Variants in HIF1A observed in about 807,000 individuals in gnomAD.
HIF1A encodes the protein hypoxia inducible factor 1 subunit alpha.
Under a neutral mutation model 92.7 loss-of-function variants are expected in HIF1A, and 24 were observed. The ratio of observed to expected loss-of-function variants is 0.26; its 90% CI spans 0.19 to 0.36. The LOEUF (loss-of-function observed/expected upper bound fraction) is 0.36, where lower values mean the gene tolerates loss of function less well. HIF1A is among the 10% of genes least tolerant of loss of function. The pLI is 1.00. For synonymous variants in HIF1A, 319 were observed against 338.7 expected, an observed-to-expected ratio of 0.94 and a Z score of 0.64; for missense variants, 799 against 998.5, an observed-to-expected ratio of 0.80 and a Z score of 2.69.
Position 61,737,112 on chromosome 14 carries a change from G to A in HIF1A, c.1249+3G>A. 1.2e-6 allele frequency: 2 copies of A among 1,609,726 alleles called. No individual in the cohort carries two copies. The highest frequency in any genetic ancestry group is 2.2e-5 in the East Asian group (1 of 44,850). On this transcript the variant is annotated splice_donor_region_variant and intron_variant, in intron 9 of 14. Coordinates refer to ENST00000337138, the MANE Select transcript of HIF1A (RefSeq NM_001530.4). ...ATCTTTAGATTTTGGCAGCAACGGTGAGTAGTTATTTTTGTTAATCCCCTA... is the reference window on the plus strand; with the variant it reads ...ATCTTTAGATTTTGGCAGCAACGGTAAGTAGTTATTTTTGTTAATCCCCTA...
At position 61,740,527 on chromosome 14, in the gene HIF1A, G is replaced by A. The variant is rs146178214; in HGVS notation, c.1559G>A (p.Cys520Tyr). ...SPEPNSPSEY[C>Y]FYVDSDMVNE... ...CAGCCTAATAGTCCCAGTGAATATT[G>A]TTTTTATGTGGATAGTGATATGGTC... Residue 520 changes from cysteine to tyrosine, a missense_variant, in exon 11 of 15, where the codon TGT (cysteine) becomes TAT (tyrosine). Transcript: ENST00000337138. 30 of 1,591,192 alleles carry A rather than the reference G, an allele frequency of 1.9e-5. No homozygotes were observed. The highest frequency in any genetic ancestry group is 2.5e-5 in the Non-Finnish European group (29 of 1,165,770).
At chr14:61,718,316 A>G (rs2044386250) in intron 1 of HIF1A, among the ~76,000 whole-genome samples, 1 of 152,198 alleles carries the variant, frequency 6.6e-6, no homozygotes, top group Non-Finnish European at 1.5e-5. Flanking sequence ...ATTCAGGTTT[A>G]ACAAGAGATA....
In HIF1A at chr14:61,738,231, G is replaced by A. The variant is rs749537571; in HGVS notation, c.1394G>A (p.Ser465Asn). ...GAAACGCCAAAGCCACTTCGAAGTA[G>A]TGCTGACCCTGCACTCAATCAAGAA... is the stretch of plus-strand genomic sequence containing the variant. ...TAETPKPLRS[S>N]ADPALNQEVA... The change falls in exon 10 of 15, where the codon AGT becomes AAT. Residue 465 changes from serine to asparagine, a missense_variant. By Grantham distance (46) the Ser-to-Asn change is conservative. Coordinates refer to ENST00000337138, the MANE Select transcript of HIF1A (RefSeq NM_001530.4). 6.2e-7 allele frequency: 1 copy of A among 1,614,120 alleles called. No homozygotes were observed. The highest frequency in any genetic ancestry group is 1.7e-5 in the Admixed American group (1 of 60,012).
At chr14:61,705,788 A>G (rs1299175190) in intron 1 of HIF1A, among the ~76,000 whole-genome samples, 1 of 152,150 alleles carries the variant, frequency 6.6e-6, no homozygotes, top group Non-Finnish European at 1.5e-5. Flanking sequence ...ATTTGGTAAT[A>G]TTGGATAGGA....
intron 7 of HIF1A, among the ~76,000 whole-genome samples, chr14:61,732,764 A>G (rs898133095): frequency 6.6e-6 from 1 of 152,258 alleles, no homozygotes; most frequent in African/African-American, 2.4e-5. Context: ...AGACTTTTGA[A>G]AATCCAAATA....
rs982365060 is a variant in HIF1A at position 61,747,298 on chromosome 14, G to GT, written c.*219dup. 2.2e-5 allele frequency: 8 copies of GT among 370,364 alleles called. No individual in the cohort carries two copies. Among genetic ancestry groups the GT allele is most frequent in the Non-Finnish European group, 2.4e-5 (5 of 208,728 alleles). The allele number at this position is 370,364 out of a possible 1,614,324, so 22.9% of individuals were successfully genotyped here. ...GGATCACAGACAGCTCATTTTCTCA[G>GT]TTTTTTGGTATTTAAACCATTGCAT... On this transcript the variant is annotated 3_prime_UTR_variant, in exon 15 of 15. Transcript: ENST00000337138.
chr14:61,735,544 T>C (rs980031168), intron 8 of HIF1A, among the ~76,000 whole-genome samples: 2 of 152,256 alleles, frequency 1.3e-5, no homozygotes, highest in Non-Finnish European at 2.9e-5. Context: ...TGTATTTTAA[T>C]TGTTTACATA....
chr14:61,739,222 G>A (rs1045060438), intron 10 of HIF1A, among the ~76,000 whole-genome samples: 1 of 152,168 alleles, frequency 6.6e-6, no homozygotes, highest in Non-Finnish European at 1.5e-5. Context: ...TAAATACTTA[G>A]TAACTGGTCT....
chr14:61,701,287 A>C (rs1284135053), intron 1 of HIF1A, among the ~76,000 whole-genome samples: 1 of 152,230 alleles, frequency 6.6e-6, no homozygotes, highest in Non-Finnish European at 1.5e-5. Context: ...TATGATTTTG[A>C]AAATTTATTA....
At chr14:61,746,454 G>C (rs751013834) in intron 14 of HIF1A, among the ~76,000 whole-genome samples, 1 of 140,800 alleles carries the variant, frequency 7.1e-6, no homozygotes, top group Non-Finnish European at 1.5e-5. Context: ...CTGGAGTGCA[G>C]TGGCATGATC....
Position 61,695,652 on chromosome 14 carries a change from T to C in HIF1A, c.-153T>C. On this transcript the variant is annotated 5_prime_UTR_variant, in exon 1 of 15. Transcript: ENST00000337138. ...CCGGACCCCGGCGATTGCCGCCCGC[T>C]TCTCTCTAGTCTCACGAGGGGTTTC... 1 of 787,708 alleles carries C rather than the reference T, an allele frequency of 1.3e-6. No homozygotes were observed. The highest frequency in any genetic ancestry group is 2.0e-6 in the Non-Finnish European group (1 of 503,824). 48.8% of individuals were successfully genotyped at this position (787,708 alleles called of 1,614,324 possible).
At chr14:61,734,417 A>T in intron 8 of HIF1A, 132 bp downstream of exon 8, 1 of 627,628 alleles carries the variant, frequency 1.6e-6, no homozygotes, top group South Asian at 2.6e-5. Flanking sequence ...CTACCAAATT[A>T]TTATTTTCTA....
chr14:61,713,154 G>C (rs2044326523), intron 1 of HIF1A, among the ~76,000 whole-genome samples: 1 of 152,168 alleles, frequency 6.6e-6, no homozygotes, highest in African/African-American at 2.4e-5. Flanking sequence ...TGAGGATAAA[G>C]AGGTGGACAG....
At position 61,741,241 on chromosome 14, in the gene HIF1A, T is replaced by C. The variant is rs113261891; in HGVS notation, c.2093+53T>C. 1.3e-3 allele frequency: 1,679 copies of C among 1,260,798 alleles called. 19 individuals carry two copies. The African/African-American group carries it at 0.021, about 16-fold the overall frequency. 78.1% of individuals were successfully genotyped at this position (1,260,798 alleles called of 1,614,324 possible). A position where few individuals can be genotyped will look rare whatever the true frequency, so the allele number is the denominator to read the frequency against. ...GTTCTTTTATTATTTTTGAGATAAA[T>C]GTATGTGATAGTACATGATTTTTAA... is the stretch of plus-strand genomic sequence containing the variant. On this transcript the variant is annotated intron_variant, in intron 12 of 14. Transcript: ENST00000337138.
Position 61,745,174 on chromosome 14 carries a change from C to T in HIF1A, c.2202+361C>T, listed in dbSNP as rs149958576. Among the ~76,000 whole-genome samples the T allele has an allele frequency of 7.0e-3, 1,062 of 152,244 alleles. 9 individuals are homozygous for T. Among genetic ancestry groups the T allele is most frequent in the Middle Eastern group, 0.027 (8 of 294 alleles). Reference sequence around the variant, plus strand: ...GCACAGTGCCTCACGCCTGTAATCCCAGCACTTTGGGAGGCCAAGATGAGG... The same window carrying T: ...GCACAGTGCCTCACGCCTGTAATCCTAGCACTTTGGGAGGCCAAGATGAGG... On this transcript the variant is annotated intron_variant, in intron 13 of 14. Transcript: ENST00000337138.
chr14:61,700,257 C>G (rs1433578579), intron 1 of HIF1A, among the ~76,000 whole-genome samples: 1 of 152,104 alleles, frequency 6.6e-6, no homozygotes, highest in Non-Finnish European at 1.5e-5. Context: ...ACTTCCAGAA[C>G]TTTTTCATCT....
At position 61,732,436 on chromosome 14, in the gene HIF1A, A is replaced by G. The variant is rs773838947; in HGVS notation, c.792A>G (p.Gly264=). 1 of 1,606,092 alleles carries G rather than the reference A, an allele frequency of 6.2e-7. No individual in the cohort carries two copies. The highest frequency in any genetic ancestry group is 1.7e-5 in the Admixed American group (1 of 60,002). ...CTAACAGAATTACCGAATTGATGGG[A>G]TATGAGCCAGAAGAACTTTTAGGCC... ...YCDERITELM[G]YEPEELLGRS... is the part of the protein sequence containing the mutation. The change falls in exon 7 of 15, where the codon GGA becomes GGG. Residue 264 remains glycine, a synonymous_variant. Transcript: ENST00000337138.
In HIF1A at chr14:61,746,993, A is replaced by T; in HGVS notation, c.2389A>T (p.Ser797Cys). Reference protein sequence around the residue: ...MDESGLPQLTSYDCEVNAPIQ... With the variant: ...MDESGLPQLTCYDCEVNAPIQ... Reference sequence around the variant, plus strand: ...TGAAAGTGGATTACCACAGCTGACCAGTTATGATTGTGAAGTTAATGCTCC... The same window carrying T: ...TGAAAGTGGATTACCACAGCTGACCTGTTATGATTGTGAAGTTAATGCTCC... Residue 797 changes from serine (S) to cysteine (C), a missense_variant, in exon 15 of 15, where the codon AGT (serine) becomes TGT (cysteine). This residue lies in a region of HIF1A where 283 missense variants were observed against 277.5 expected (regional missense o/e 1.02). Coordinates refer to ENST00000337138, the MANE Select transcript of HIF1A (RefSeq NM_001530.4). 1 of 1,613,816 alleles carries T rather than the reference A, an allele frequency of 6.2e-7. No individual in the cohort carries two copies. The highest frequency in any genetic ancestry group is 8.5e-7 in the Non-Finnish European group (1 of 1,179,724).
chr14:61,739,743 C>T (rs1030484952), intron 10 of HIF1A, among the ~76,000 whole-genome samples: 3 of 152,114 alleles, frequency 2.0e-5, no homozygotes, highest in South Asian at 4.1e-4. Flanking sequence ...AATGTACATT[C>T]GTTCAGGTAT....
Sources: allele counts gnomAD v4.1 joint callset (sites outside exome capture counted in the v4.1 genomes callset), GRCh38; gene constraint gnomAD v4.1.1; regional missense constraint gnomAD v4.1.1; transcripts MANE v1.5; gene names NCBI Gene and HGNC (gene_info 2026-07-23, HGNC 2026-07-21).